The following MUC5B variants were observed in gnomAD, a reference collection of about 807,000 sequenced individuals.
The protein encoded by MUC5B is mucin-5B.
MUC5B carries 116 observed loss-of-function variants against 376.9 expected under a neutral mutation model. The ratio of observed to expected loss-of-function variants is 0.31; its 90% CI spans 0.26 to 0.36. The LOEUF (loss-of-function observed/expected upper bound fraction) is 0.36, where lower values mean the gene tolerates loss of function less well. Ranked by LOEUF, MUC5B falls within the 10% of genes least tolerant of loss-of-function variation. The pLI is 1.00. For missense variants in MUC5B, 7,165 were observed against 7,769.9 expected, an observed-to-expected ratio of 0.92 and a Z score of 2.93; for synonymous variants, 3,517 against 3,390.9, an observed-to-expected ratio of 1.04 and a Z score of -1.29.
rs373126591 is a variant in MUC5B, at chr11:1,234,487, C to T, written c.2479-42C>T. ...CAGAGGGTGAGTGACATCTGCCCAC[C>T]CTGGTGTCCAGCCCTGACCGGTACC... On this transcript the variant is annotated intron_variant, in intron 20 of 48. Transcript: ENST00000529681. The surrounding 1 kb of genome is among the most constrained non-coding windows in gnomAD (Gnocchi z 6.3). The T allele has an allele frequency of 8.1e-5, 126 of 1,555,512 alleles. No individual in the cohort carries two copies. The African/African-American group carries it at 1.5e-3, about 19-fold the overall frequency.
chr11:1,259,108 C>T (rs1215666928), intron 44 of MUC5B, 47 bp downstream of exon 44: 2 of 1,524,438 alleles, frequency 1.3e-6, no homozygotes, highest in East Asian at 2.5e-5. Flanking sequence ...GAGGCACCTG[C>T]CCCCAAGTGA....
rs1467819040 is a variant in MUC5B, at chr11:1,242,976, C to T, written c.6096C>T (p.Ala2032=). The change falls in exon 31 of 49, where the codon GCC becomes GCT. Residue 2032 remains alanine (A), a synonymous_variant. Coordinates refer to ENST00000529681, the MANE Select transcript of MUC5B (RefSeq NM_002458.3). ...CCGCCACGGCCACCACAACTGGGGC[C>T]ACCGGCTCTGTGGCCACCCCCTCCT... ...VLTATATTTG[A]TGSVATPSST... The T allele has an allele frequency of 1.8e-5, 29 of 1,613,176 alleles. No individual in the cohort carries two copies. Among genetic ancestry groups the T allele is most frequent in the Non-Finnish European group, 2.5e-5 (29 of 1,179,452 alleles).
chr11:1,247,086 C>T lies in MUC5B; in HGVS notation c.10206C>T (p.Ser3402=), dbSNP rs1862500973. 2 of 1,562,734 alleles carry T rather than the reference C, an allele frequency of 1.3e-6. No homozygotes were observed. Among genetic ancestry groups the T allele is most frequent in the Non-Finnish European group, 1.7e-6 (2 of 1,153,732 alleles). Residue 3402 remains serine, a synonymous_variant, in exon 31 of 49, where the codon TCC becomes TCT. Transcript: ENST00000529681. ...TTATTITATG[S]TTNPSSTPGT... is the part of the protein sequence containing the mutation. ...CCACTACGATCACAGCCACCGGCTC[C>T]ACCACCAACCCCTCCTCAACTCCAG... is the stretch of plus-strand genomic sequence containing the variant.
In MUC5B at chr11:1,249,392, G is replaced by A. The variant is rs1862601043; in HGVS notation, c.12512G>A (p.Gly4171Asp). ...GGGGCCGTCTGTGAGCAGCCCCTGG[G>A]CCTCGAGTGCCGTGCCCAGGCCCAG... ...AGGAVCEQPLGLECRAQAQPG... is the reference protein window; with the variant it reads ...AGGAVCEQPLDLECRAQAQPG... The change falls in exon 31 of 49, where the codon GGC (glycine) becomes GAC (aspartate). Residue 4171 changes from glycine (G) to aspartate (D), a missense_variant. Coordinates refer to ENST00000529681, the MANE Select transcript of MUC5B (RefSeq NM_002458.3). 1.2e-6 allele frequency: 2 copies of A among 1,611,104 alleles called. No homozygotes were observed. The highest frequency in any genetic ancestry group is 1.7e-5 in the Admixed American group (1 of 59,972).
In MUC5B at chr11:1,251,318, T is replaced by C. The variant is rs1053991497; in HGVS notation, c.14438T>C (p.Leu4813Pro). 5.6e-6 allele frequency: 9 copies of C among 1,593,854 alleles called. No individual in the cohort carries two copies. The African/African-American group carries it at 6.8e-5, about 12-fold the overall frequency. The change falls in exon 31 of 49, where the codon CTG (leucine) becomes CCG (proline). Residue 4813 changes from leucine (L) to proline (P), a missense_variant. Leu to Pro is a moderately conservative substitution (Grantham distance 98). Around this residue, in one of 31 missense-constraint regions of MUC5B, gnomAD observed 730 missense variants for 592.7 expected, o/e 1.23. Transcript: ENST00000529681. ...TNSTATPSST[L>P]GTTRILTELT... ...TCCACGGCCACACCCTCCTCCACTC[T>C]GGGGACGACCCGGATCCTCACTGAG...
chr11:1,230,196 T>C (rs1861991681), intron 11 of MUC5B, 53 bp downstream of exon 11: 6 of 1,534,624 alleles, frequency 3.9e-6, no homozygotes, highest in African/African-American at 2.8e-5. Flanking sequence ...GGGACCCTCA[T>C]GCCACTTCCA....
Position 1,244,532 on chromosome 11 carries a change from G to A in MUC5B, c.7652G>A (p.Arg2551His), listed in dbSNP as rs766271745. 62 of 1,533,290 alleles carry A rather than the reference G, an allele frequency of 4.0e-5. No individual in the cohort carries two copies. In the East Asian group the frequency reaches 8.3e-4, roughly 21 times the overall value. The allele number at this position is 1,533,290 out of a possible 1,614,324, so 95.0% of individuals were successfully genotyped here. Residue 2551 changes from arginine (R) to histidine (H), a missense_variant, in exon 31 of 49, where the codon CGC becomes CAC. Transcript: ENST00000529681. Reference protein sequence around the residue: ...PSSSLGTTWTRLSQTTTPTAT... With the variant: ...PSSSLGTTWTHLSQTTTPTAT... ...TCCTCCCTGGGCACCACCTGGACCC[G>A]CCTATCACAGACCACCACACCCACG...
chr11:1,242,009 G>A lies in MUC5B; in HGVS notation c.5129G>A (p.Arg1710His), dbSNP rs201595551. 50 of 1,585,662 alleles carry A rather than the reference G, an allele frequency of 3.2e-5. No homozygotes were observed. The South Asian group carries it at 4.0e-4, about 13-fold the overall frequency. Residue 1710 changes from arginine to histidine, a missense_variant, in exon 31 of 49, where the codon CGC becomes CAC. Arg to His is a conservative substitution (Grantham distance 29, BLOSUM62 0). This residue lies in a region of MUC5B where 897 missense variants were observed against 779.6 expected (regional missense o/e 1.15). Transcript: ENST00000529681. ...PGTTGSLGTW[R>H]PSQPPTLAPT... ...ACGACGGGGAGCTTGGGCACATGGCGCCCCTCACAGCCACCCACGCTGGCC... is the reference window on the plus strand; with the variant it reads ...ACGACGGGGAGCTTGGGCACATGGCACCCCTCACAGCCACCCACGCTGGCC...
chr11:1,258,010 G>T lies in MUC5B; in HGVS notation c.16451-89G>T. ...GGCTGTGAAGCGGTCAGGTCCTCGGGGAAAAGCACGCCTGCGACTTACTCT... is the reference window on the plus strand; with the variant it reads ...GGCTGTGAAGCGGTCAGGTCCTCGGTGAAAAGCACGCCTGCGACTTACTCT... On this transcript the variant is annotated intron_variant, in intron 41 of 48. Coordinates refer to ENST00000529681, the MANE Select transcript of MUC5B (RefSeq NM_002458.3). The surrounding 1 kb of genome is among the most constrained non-coding windows in gnomAD (Gnocchi z 5.5). 4.5e-6 allele frequency: 6 copies of T among 1,338,424 alleles called. No homozygotes were observed. The South Asian group carries it at 6.6e-5, about 15-fold the overall frequency. The allele number at this position is 1,338,424 out of a possible 1,614,324, so 82.9% of individuals were successfully genotyped here. A position where few individuals can be genotyped will look rare whatever the true frequency, so the allele number is the denominator to read the frequency against.
Position 1,251,679 on chromosome 11 carries a change from C to G in MUC5B, c.14799C>G (p.Gly4933=). The change falls in exon 31 of 49, where the codon GGC becomes GGG. Residue 4933 remains glycine (G), a synonymous_variant. Transcript: ENST00000529681. ...SSVLTTLRPT[G]FPSSHFSTPC... ...TCCTCACCACCCTGAGACCCACTGGCTTCCCCAGCTCCCACTTCTCTACTC... is the reference window on the plus strand; with the variant it reads ...TCCTCACCACCCTGAGACCCACTGGGTTCCCCAGCTCCCACTTCTCTACTC... 1 of 1,612,828 alleles carries G rather than the reference C, an allele frequency of 6.2e-7. No individual in the cohort carries two copies. Among genetic ancestry groups the G allele is most frequent in the Non-Finnish European group, 8.5e-7 (1 of 1,179,662 alleles).
rs1862998044 is a variant in MUC5B at position 1,261,660 on chromosome 11, A to AT, written c.*54dup. 1.3e-6 allele frequency: 2 copies of AT among 1,518,798 alleles called. No homozygotes were observed. Among genetic ancestry groups the AT allele is most frequent in the Non-Finnish European group, 1.8e-6 (2 of 1,118,836 alleles). The allele number at this position is 1,518,798 out of a possible 1,614,324, so 94.1% of individuals were successfully genotyped here. A position where few individuals can be genotyped will look rare whatever the true frequency, so the allele number is the denominator to read the frequency against. On this transcript the variant is annotated 3_prime_UTR_variant, in exon 49 of 49. Transcript: ENST00000529681. ...CTGTCCACCTGGAGCCAGGATGTGCATTGTCTGATCATGAAAACCTTGGGC... is the reference window on the plus strand; with the variant it reads ...CTGTCCACCTGGAGCCAGGATGTGCATTTGTCTGATCATGAAAACCTTGGGC...
intron 13 of MUC5B, among the ~76,000 whole-genome samples, 190 bp downstream of exon 13, chr11:1,231,195 C>G (rs886218943): frequency 1.1e-4 from 17 of 152,296 alleles, no homozygotes; most frequent in Middle Eastern, 6.8e-3. Context: ...GCGGCAGGGA[C>G]CCCACATCCA....
Position 1,233,116 on chromosome 11 carries a change from C to T in MUC5B, c.2169C>T (p.Ser723=), listed in dbSNP as rs763022996. ...TGAGTGAGGCCGACGTCACCTGCAG[C>T]GTTTCCTTCGTGCCTGTGGACGGCT... ...RGLSEADVTC[S]VSFVPVDGCT... The change falls in exon 18 of 49, where the codon AGC becomes AGT. Residue 723 remains serine (S), a synonymous_variant. Coordinates refer to ENST00000529681, the MANE Select transcript of MUC5B (RefSeq NM_002458.3). 27 of 1,607,672 alleles carry T rather than the reference C, an allele frequency of 1.7e-5. No homozygotes were observed. The highest frequency in any genetic ancestry group is 3.3e-4 in the Middle Eastern group (2 of 6,080).
At position 1,256,112 on chromosome 11, in the gene MUC5B, C is replaced by G. The variant is rs112505354; in HGVS notation, c.16067-44C>G. 84 of 710,094 alleles carry G rather than the reference C, an allele frequency of 1.2e-4. No individual in the cohort carries two copies. The East Asian group carries it at 2.1e-3, about 18-fold the overall frequency. 44.0% of individuals were successfully genotyped at this position (710,094 alleles called of 1,614,324 possible). ...GCGGTGATTGGGGGCGGCCCTGGGCCCCCCCAACCCCTTGGCTTGTCTGAC... is the reference window on the plus strand; with the variant it reads ...GCGGTGATTGGGGGCGGCCCTGGGCGCCCCCAACCCCTTGGCTTGTCTGAC... On this transcript the variant is annotated intron_variant, in intron 37 of 48. Coordinates refer to ENST00000529681, the MANE Select transcript of MUC5B (RefSeq NM_002458.3).
Position 1,236,577 on chromosome 11 carries a change from T to G in MUC5B, c.3057+15T>G. On this transcript the variant is annotated intron_variant, in intron 24 of 48. Transcript: ENST00000529681. ...AGGACTACAAGGTGAGCTCGGGCCG[T>G]GCACTCCTAGGCCCTGCAGGACCCT... The G allele has an allele frequency of 6.2e-7, 1 of 1,610,748 alleles. No homozygotes were observed. The highest frequency in any genetic ancestry group is 8.5e-7 in the Non-Finnish European group (1 of 1,178,790).
chr11:1,244,186 C>T lies in MUC5B; in HGVS notation c.7306C>T (p.Leu2436Phe). 1 of 1,612,650 alleles carries T rather than the reference C, an allele frequency of 6.2e-7. No individual in the cohort carries two copies. Among genetic ancestry groups the T allele is most frequent in the Admixed American group, 1.7e-5 (1 of 59,986 alleles). ...PSSTPGTTWI[L>F]TELTTTATTT... ...CTCCACTCCGGGGACGACCTGGATC[C>T]TCACAGAGCTGACCACAACAGCCAC... Residue 2436 changes from leucine (L) to phenylalanine (F), a missense_variant, in exon 31 of 49, where the codon CTC becomes TTC. By Grantham distance (22) the Leu-to-Phe change is conservative (BLOSUM62 0). Around this residue, in one of 31 missense-constraint regions of MUC5B, gnomAD observed 194 missense variants for 268.5 expected, o/e 0.72. Transcript: ENST00000529681.
chr11:1,230,014 C>A lies in MUC5B; in HGVS notation c.1230C>A (p.Ser410=). The part of the protein sequence containing the change: ...FNTTCSSCTC[S]GGLWQCQDLP... ...CGGCCTCCCTCCCCAGCACCTGCTC[C>A]GGGGGGCTATGGCAGTGCCAGGACC... The change falls in exon 11 of 49, where the codon TCC becomes TCA. Residue 410 remains serine (S), a synonymous_variant. Coordinates refer to ENST00000529681, the MANE Select transcript of MUC5B (RefSeq NM_002458.3). The A allele has an allele frequency of 6.3e-7, 1 of 1,598,002 alleles. No individual in the cohort carries two copies.
intron 25 of MUC5B, 66 bp from the exon 26 acceptor site, chr11:1,238,805 G>C: frequency 6.6e-7 from 1 of 1,513,276 alleles, no homozygotes; most frequent in South Asian, 1.2e-5. Flanking sequence ...ACTGGCCCTG[G>C]GCCAGCCACC....
chr11:1,237,170 G>A lies in MUC5B; in HGVS notation c.3297+6G>A. On this transcript the variant is annotated splice_donor_region_variant and intron_variant, in intron 25 of 48. Coordinates refer to ENST00000529681, the MANE Select transcript of MUC5B (RefSeq NM_002458.3). ...TCGCCGCCTGCCGCTCCCAGGTGGGGCTCTGGTCTTGGCAGGCAGGGTCTG... is the reference window on the plus strand; with the variant it reads ...TCGCCGCCTGCCGCTCCCAGGTGGGACTCTGGTCTTGGCAGGCAGGGTCTG... The A allele has an allele frequency of 4.2e-6, 6 of 1,425,122 alleles. No individual in the cohort carries two copies. Among genetic ancestry groups the A allele is most frequent in the Non-Finnish European group, 5.5e-6 (6 of 1,085,572 alleles). 88.3% of individuals were successfully genotyped at this position (1,425,122 alleles called of 1,614,324 possible). A position where few individuals can be genotyped will look rare whatever the true frequency, so the allele number is the denominator to read the frequency against.
Sources: allele counts gnomAD v4.1 joint callset (sites outside exome capture counted in the v4.1 genomes callset), GRCh38; gene constraint gnomAD v4.1.1; regional missense constraint gnomAD v4.1.1; non-coding constraint Gnocchi (gnomAD v3.1); transcripts MANE v1.5; gene names NCBI Gene and HGNC (gene_info 2026-07-23, HGNC 2026-07-21).